Variants in CRACDL observed in about 807,000 individuals in gnomAD.
CRACDL encodes CRACD like.
A neutral mutation model predicts 70.6 loss-of-function variants in CRACDL; 26 were observed. That is an observed-to-expected ratio of 0.37 (90% CI 0.27 to 0.51). The LOEUF (loss-of-function observed/expected upper bound fraction) is 0.51. CRACDL is among the 20% of genes least tolerant of loss of function. The pLI is 0.94. For missense variants in CRACDL, 1,283 were observed against 1,376.9 expected (o/e 0.93, Z 1.08); for synonymous variants, 618 against 615.2 (o/e 1.00, Z -0.07).
chr2:98,810,228 C>A (rs1383778320), intron 7 of CRACDL, among the ~76,000 whole-genome samples: 5 of 152,136 alleles, frequency 3.3e-5, no homozygotes, highest in African/African-American at 1.2e-4. Context: ...GGGGTGTGTA[C>A]AGAGTGCCAG....
intron 1 of CRACDL, among the ~76,000 whole-genome samples, chr2:98,874,915 T>C (rs1707445040): frequency 6.6e-6 from 1 of 152,150 alleles, no homozygotes. Flanking sequence ...ATTCTGTTCC[T>C]CTGGCCATCT....
intron 6 of CRACDL, among the ~76,000 whole-genome samples, chr2:98,824,562 T>G (rs895672131): frequency 6.6e-6 from 1 of 152,086 alleles, no homozygotes; most frequent in Non-Finnish European, 1.5e-5. Flanking sequence ...AAGTAACATG[T>G]GGAAATGACG....
chr2:98,822,872 C>T lies in CRACDL; in HGVS notation c.1401G>A (p.Glu467=), dbSNP rs772452128. 2.0e-6 allele frequency: 3 copies of T among 1,466,954 alleles called. No homozygotes were observed. The highest frequency in any genetic ancestry group is 2.7e-6 in the Non-Finnish European group (3 of 1,119,744). 90.9% of individuals were successfully genotyped at this position (1,466,954 alleles called of 1,614,324 possible). ...GCTCGGTCCCCGCTCCTCTCTCGGGCTCCGTCTCCGCTTCTCTCTCGGGCT... is the reference window on the plus strand; with the variant it reads ...GCTCGGTCCCCGCTCCTCTCTCGGGTTCCGTCTCCGCTTCTCTCTCGGGCT... ...APEPEREAET[E]PERGAGTEPE... is the part of the protein sequence containing the mutation. Residue 467 remains glutamate (E), a synonymous_variant, in exon 7 of 10, where the codon GAG becomes GAA. Coordinates refer to ENST00000397899, the MANE Select transcript of CRACDL (RefSeq NM_207362.3). The surrounding 1 kb of genome is among the most constrained non-coding windows in gnomAD (Gnocchi z 4.9).
At chr2:98,816,578 T>C (rs759399869) in intron 7 of CRACDL, among the ~76,000 whole-genome samples, 1 of 152,142 alleles carries the variant, frequency 6.6e-6, no homozygotes. Flanking sequence ...CTGATTGCTG[T>C]GGCCCAAGAA....
At chr2:98,908,705 G>A (rs1235680045) in intron 1 of CRACDL, among the ~76,000 whole-genome samples, 1 of 152,210 alleles carries the variant, frequency 6.6e-6, no homozygotes, top group African/African-American at 2.4e-5. Context: ...TTCCAAGGTG[G>A]CTTACAGTCC....
At chr2:98,873,146 C>A (rs999113645) in intron 1 of CRACDL, among the ~76,000 whole-genome samples, 1 of 152,222 alleles carries the variant, frequency 6.6e-6, no homozygotes, top group African/African-American at 2.4e-5. Flanking sequence ...GTGTAAGTTT[C>A]TATGCAGTGC....
chr2:98,869,753 C>T lies in CRACDL; in HGVS notation c.-10-22943G>A, dbSNP rs372331163. ...GACCCTGTGGGAGGCACGCTCGTCT[C>T]TGCGCTGCACACTTGCTCCCCAGTT... On this transcript the variant is annotated intron_variant, in intron 1 of 9. Transcript: ENST00000397899. Among the ~76,000 whole-genome samples the T allele has an allele frequency of 3.3e-5, 5 of 152,344 alleles. No individual in the cohort carries two copies. In the East Asian group the frequency reaches 9.7e-4, roughly 29 times the overall value.
At chr2:98,882,806 G>A (rs78767276) in intron 1 of CRACDL, among the ~76,000 whole-genome samples, 371 of 152,356 alleles carry the variant, frequency 2.4e-3, no homozygotes, top group Non-Finnish European at 4.1e-3. Flanking sequence ...GAACAAAGGG[G>A]CTTGGGATAC....
intron 1 of CRACDL, among the ~76,000 whole-genome samples, chr2:98,859,520 A>G (rs1437405434): frequency 6.6e-6 from 1 of 152,210 alleles, no homozygotes; most frequent in Non-Finnish European, 1.5e-5. Context: ...TGAAAAATCA[A>G]TGCAATAAAC....
chr2:98,839,505 G>T (rs1282395243), intron 2 of CRACDL, among the ~76,000 whole-genome samples: 1 of 152,174 alleles, frequency 6.6e-6, no homozygotes, highest in Non-Finnish European at 1.5e-5. Flanking sequence ...ATCCTCGAAG[G>T]CCTGAATAGA....
intron 1 of CRACDL, among the ~76,000 whole-genome samples, chr2:98,929,724 G>A (rs960881048): frequency 3.3e-5 from 5 of 151,968 alleles, no homozygotes; most frequent in African/African-American, 9.7e-5. Flanking sequence ...CTTCAATAAG[G>A]GGCATTTGTC....
At chr2:98,869,236 G>A in intron 1 of CRACDL, 1 of 1,289,672 alleles carries the variant, frequency 7.8e-7, no homozygotes, top group Non-Finnish European at 1.0e-6. Context: ...ACTGGTTGCT[G>A]ATCAAGAGCC....
chr2:98,834,508 G>A (rs964989245), intron 3 of CRACDL, among the ~76,000 whole-genome samples: 4 of 152,262 alleles, frequency 2.6e-5, no homozygotes, highest in African/African-American at 7.2e-5. Flanking sequence ...ATGGGAAAGG[G>A]GGGCCTGGAT....
At chr2:98,816,324 C>G (rs929663885) in intron 7 of CRACDL, among the ~76,000 whole-genome samples, 1 of 152,152 alleles carries the variant, frequency 6.6e-6, no homozygotes, top group African/African-American at 2.4e-5. Context: ...TTGGTCAGAA[C>G]AGCAAGTCCC....
rs535501864 is a variant in CRACDL, at chr2:98,835,292, A to C, written c.240-2295T>G. On this transcript the variant is annotated intron_variant, in intron 3 of 9. Coordinates refer to ENST00000397899, the MANE Select transcript of CRACDL (RefSeq NM_207362.3). ...TAGAATCAGTGACAGCCAATTAGTA[A>C]TCATCGCCCCTGGCAGCTGGACTGA... 9.2e-5 allele frequency among the ~76,000 whole-genome samples: 14 copies of C among 152,358 alleles called. No homozygotes were observed. In the South Asian group the frequency reaches 2.9e-3, roughly 32 times the overall value.
At chr2:98,805,599 T>C (rs1704257664) in intron 7 of CRACDL, among the ~76,000 whole-genome samples, 2 of 152,138 alleles carry the variant, frequency 1.3e-5, no homozygotes, top group African/African-American at 4.8e-5. Context: ...CTTGCTCCAC[T>C]TCCTCTCCTA....
chr2:98,885,272 T>C (rs1045047077), intron 1 of CRACDL, among the ~76,000 whole-genome samples: 2 of 152,176 alleles, frequency 1.3e-5, no homozygotes, highest in Non-Finnish European at 2.9e-5. Flanking sequence ...GGATCGGAAC[T>C]CCTGACTTCA....
At chr2:98,840,081 T>C (rs1160471981) in intron 2 of CRACDL, among the ~76,000 whole-genome samples, 1 of 152,174 alleles carries the variant, frequency 6.6e-6, no homozygotes, top group Admixed American at 6.5e-5. Flanking sequence ...TTAAACTTCT[T>C]GAGATAAACA....
intron 1 of CRACDL, among the ~76,000 whole-genome samples, chr2:98,929,203 A>C (rs530926338): frequency 2.0e-5 from 3 of 152,340 alleles, no homozygotes; most frequent in Admixed American, 2.0e-4. Context: ...GGAGGTGTTA[A>C]ACCCAGGTTA....
Sources: allele counts gnomAD v4.1 joint callset (sites outside exome capture counted in the v4.1 genomes callset), GRCh38; gene constraint gnomAD v4.1.1; non-coding constraint Gnocchi (gnomAD v3.1); transcripts MANE v1.5; gene names NCBI Gene and HGNC (gene_info 2026-07-23, HGNC 2026-07-21).